The following ROBO2 variants were observed in gnomAD, a reference collection of about 807,000 sequenced individuals.
ROBO2 encodes roundabout homolog 2.
Under a neutral mutation model 160.8 loss-of-function variants are expected in ROBO2, and 53 were observed. The observed-to-expected ratio is 0.33, with a 90% CI of 0.26 to 0.41. The LOEUF is 0.41. ROBO2 is among the 10% of genes least tolerant of loss of function. ROBO2 has a pLI of 1.00. For missense variants in ROBO2, 1,577 were observed against 1,722.4 expected (o/e 0.92, Z 1.49); for synonymous variants, 664 against 611.7 (o/e 1.09, Z -1.26).
At chr3:77,029,389 A>G (rs2063172926) in intron 2 of ROBO2, among the ~76,000 whole-genome samples, 2 of 152,204 alleles carry the variant, frequency 1.3e-5, no homozygotes, top group African/African-American at 2.4e-5. Context: ...GGGTGGTGAC[A>G]TAGAAATTGG....
chr3:76,361,428 T>A (rs956759742), intron 2 of ROBO2, among the ~76,000 whole-genome samples: 5 of 152,134 alleles, frequency 3.3e-5, no homozygotes, highest in African/African-American at 7.2e-5. Flanking sequence ...GCACTGTGAT[T>A]TAAATTACCC....
intron 2 of ROBO2, among the ~76,000 whole-genome samples, chr3:77,145,141 C>G (rs1164151710): frequency 6.6e-6 from 1 of 151,970 alleles, no homozygotes; most frequent in African/African-American, 2.4e-5. Flanking sequence ...TGATAGATAC[C>G]TGGAGAGTGA....
intron 2 of ROBO2, among the ~76,000 whole-genome samples, chr3:76,333,886 G>T (rs6797016): frequency 0.75 from 113,321 of 151,980 alleles, 44,251 homozygotes; most frequent in Non-Finnish European, 0.87. Flanking sequence ...GCAAACTATC[G>T]CAAGGACAAA....
chr3:77,504,447 A>T (rs143539249), intron 5 of ROBO2, among the ~76,000 whole-genome samples: 3,450 of 152,114 alleles, frequency 0.023, 128 homozygotes, highest in African/African-American at 0.077. Context: ...TTAAACCCAT[A>T]AACATTCTAA....
intron 2 of ROBO2, among the ~76,000 whole-genome samples, chr3:76,189,922 T>G (rs1450082749): frequency 1.3e-5 from 2 of 152,134 alleles, no homozygotes; most frequent in African/African-American, 4.8e-5. Context: ...AGGAAATACA[T>G]GCCTGTCTCC....
intron 16 of ROBO2, among the ~76,000 whole-genome samples, chr3:77,585,505 C>T (rs1032846692): frequency 2.0e-5 from 3 of 151,878 alleles, no homozygotes; most frequent in Non-Finnish European, 4.4e-5. Flanking sequence ...TCACATTTTT[C>T]TATGAGATAA....
intron 2 of ROBO2, among the ~76,000 whole-genome samples, chr3:77,013,246 A>T (rs2062024665): frequency 6.6e-6 from 1 of 152,134 alleles, no homozygotes; most frequent in Admixed American, 6.5e-5. Flanking sequence ...GATAAATTAA[A>T]TTATAGGTGC....
intron 2 of ROBO2, among the ~76,000 whole-genome samples, chr3:76,345,892 T>C (rs1241506206): frequency 6.6e-6 from 1 of 152,166 alleles, no homozygotes; most frequent in East Asian, 1.9e-4. Context: ...AAGTTTGTAT[T>C]GTCAGGTATT....
At chr3:76,810,026 A>G (rs2065039059) in intron 2 of ROBO2, among the ~76,000 whole-genome samples, 1 of 152,136 alleles carries the variant, frequency 6.6e-6, no homozygotes, top group African/African-American at 2.4e-5. Context: ...TTGCCAATTT[A>G]TTTTGACTGG....
intron 2 of ROBO2, among the ~76,000 whole-genome samples, chr3:76,897,091 G>C (rs1363074768): frequency 6.6e-6 from 1 of 151,994 alleles, no homozygotes; most frequent in Non-Finnish European, 1.5e-5. Context: ...ATGGACCAAT[G>C]GTCCAATATA....
intron 5 of ROBO2, among the ~76,000 whole-genome samples, chr3:77,495,942 C>G (rs2086727862): frequency 6.6e-6 from 1 of 152,134 alleles, no homozygotes; most frequent in African/African-American, 2.4e-5. Flanking sequence ...AGGTCATAAA[C>G]CTGACAACTT....
intron 2 of ROBO2, among the ~76,000 whole-genome samples, chr3:77,374,492 C>A (rs1048745921): frequency 4.6e-5 from 7 of 152,174 alleles, no homozygotes; most frequent in Non-Finnish European, 7.4e-5. Context: ...ATCTGTTGAC[C>A]TTTTTGGCCT....
At chr3:76,174,268 T>G (rs1315763899) in intron 2 of ROBO2, among the ~76,000 whole-genome samples, 2 of 152,200 alleles carry the variant, frequency 1.3e-5, no homozygotes, top group Non-Finnish European at 2.9e-5. Context: ...TTTTAGACCT[T>G]TGTCAGATGG....
chr3:75,906,973 A>G (rs1388762603), intron 1 of ROBO2: 1 of 152,322 alleles, frequency 6.6e-6, no homozygotes, highest in Non-Finnish European at 1.5e-5. Flanking sequence ...GAGTTCGGCA[A>G]AGAGGTGAAC....
intron 2 of ROBO2, among the ~76,000 whole-genome samples, chr3:76,508,411 A>C (rs1292250899): frequency 6.6e-6 from 1 of 152,178 alleles, no homozygotes; most frequent in African/African-American, 2.4e-5. Context: ...AAAAAAAATA[A>C]GATTAAATAT....
chr3:77,524,559 G>A (rs1370098921), intron 6 of ROBO2, among the ~76,000 whole-genome samples: 3 of 151,298 alleles, frequency 2.0e-5, no homozygotes, highest in Non-Finnish European at 3.0e-5. Context: ...GTGAGAAAAC[G>A]TGAGGAGTTG....
chr3:76,171,203 A>G (rs953811716), intron 2 of ROBO2, among the ~76,000 whole-genome samples: 2 of 152,132 alleles, frequency 1.3e-5, no homozygotes, highest in Non-Finnish European at 2.9e-5. Context: ...TTTCTGATAT[A>G]AAATTTGAGA....
At chr3:77,296,700 G>A (rs1268249530) in intron 2 of ROBO2, among the ~76,000 whole-genome samples, 2 of 152,146 alleles carry the variant, frequency 1.3e-5, no homozygotes, top group Admixed American at 6.6e-5. Flanking sequence ...AAAAGGCCTT[G>A]TGGTAAGATG....
At chr3:77,492,037 T>C (rs966011618) in intron 4 of ROBO2, among the ~76,000 whole-genome samples, 2 of 152,204 alleles carry the variant, frequency 1.3e-5, no homozygotes, top group East Asian at 1.9e-4. Context: ...TCTTTGAAGG[T>C]TTCCTGCCGA....
Sources: allele counts gnomAD v4.1 joint callset (sites outside exome capture counted in the v4.1 genomes callset), GRCh38; gene constraint gnomAD v4.1.1; transcripts MANE v1.5; gene names NCBI Gene and HGNC (gene_info 2026-07-23, HGNC 2026-07-21).